Variants in PHYKPL observed in about 807,000 individuals in gnomAD.
The protein encoded by PHYKPL is 5-phosphonooxy-L-lysine phospho-lyase.
Under a neutral mutation model 51.3 loss-of-function variants are expected in PHYKPL, and 42 were observed. That is an observed-to-expected ratio of 0.82 (90% confidence interval 0.64 to 1.06). PHYKPL has a LOEUF of 1.06. Among genes scored for constraint, PHYKPL ranks in the 50% least tolerant of loss-of-function variants. The pLI is 0.00. For missense variants in PHYKPL, 655 were observed against 586.6 expected, an observed-to-expected ratio of 1.12 and a Z score of -1.20; for synonymous variants, 264 against 236.0, an observed-to-expected ratio of 1.12 and a Z score of -1.09.
chr5:178,225,075 C>G, intron 4 of PHYKPL: 1 of 566,206 alleles, frequency 1.8e-6, no homozygotes, highest in Non-Finnish European at 3.1e-6. Flanking sequence ...TTCATGGGAG[C>G]TACTGCTGGA....
chr5:178,221,976 A>G (rs1226326249), intron 8 of PHYKPL, among the ~76,000 whole-genome samples: 2 of 152,198 alleles, frequency 1.3e-5, no homozygotes, highest in Non-Finnish European at 2.9e-5. Flanking sequence ...AGCCACTGCA[A>G]TGCGAACTCT....
At chr5:178,230,588 A>G (rs1581383130) in intron 2 of PHYKPL, 1 of 154,668 alleles carries the variant, frequency 6.5e-6, no homozygotes, top group South Asian at 2.0e-4. Context: ...AGGCCTTTTG[A>G]GGCTTGTATG....
At chr5:178,211,609 TTTAGGGCATAAGACTAGGTG>T (rs1758445312) in intron 12 of PHYKPL, 1 of 359,904 alleles carries the variant, frequency 2.8e-6, no homozygotes, top group Non-Finnish European at 5.1e-6. Context: ...AGGTCTGGTA[TTTAGGGCATAAGACTAGGTG>T]GTTACAAGAG....
chr5:178,221,004 G>A (rs1281805713), intron 8 of PHYKPL, among the ~76,000 whole-genome samples: 1 of 152,148 alleles, frequency 6.6e-6, no homozygotes, highest in African/African-American at 2.4e-5. Context: ...GGGTGGAGAA[G>A]GCAACAAGAG....
At chr5:178,216,361 G>A (rs1288263207) in intron 8 of PHYKPL, 1 of 152,230 alleles carries the variant, frequency 6.6e-6, no homozygotes, top group Non-Finnish European at 1.5e-5. Context: ...TCTGCAGAAT[G>A]AGGAAGTAAA....
intron 11 of PHYKPL, among the ~76,000 whole-genome samples, chr5:178,212,238 A>G (rs553647476): frequency 3.6e-4 from 55 of 152,272 alleles, no homozygotes; most frequent in Admixed American, 2.0e-3. Flanking sequence ...CCTATTCATC[A>G]TATCCCTACC....
At chr5:178,212,759 C>T (rs1045863665) in intron 11 of PHYKPL, among the ~76,000 whole-genome samples, 1 of 152,238 alleles carries the variant, frequency 6.6e-6, no homozygotes, top group Admixed American at 6.5e-5. Context: ...GCTCACCTTC[C>T]ACCTCCTGAC....
intron 3 of PHYKPL, chr5:178,228,400 A>C: frequency 1.6e-6 from 1 of 627,712 alleles, no homozygotes; most frequent in Non-Finnish European, 2.8e-6. Context: ...AATGCAGCAA[A>C]GAGATTGCTT....
intron 3 of PHYKPL, among the ~76,000 whole-genome samples, chr5:178,228,972 C>G (rs184717670): frequency 6.6e-6 from 1 of 152,308 alleles, no homozygotes; most frequent in African/African-American, 2.4e-5. Flanking sequence ...CAGCTCACAG[C>G]CTCTGCTTTC....
intron 8 of PHYKPL, chr5:178,216,196 G>C (rs935565189): frequency 6.6e-6 from 1 of 152,138 alleles, no homozygotes; most frequent in Non-Finnish European, 1.5e-5. Context: ...CTGTTACTAT[G>C]AGATGGCTAC....
Position 178,232,504 on chromosome 5 carries a change from TG to T in PHYKPL, c.46del (p.Gln16AsnfsTer95). The T allele has an allele frequency of 7.4e-7, 1 of 1,345,690 alleles. No homozygotes were observed. The highest frequency in any genetic ancestry group is 9.5e-7 in the Non-Finnish European group (1 of 1,056,756). The allele number at this position is 1,345,690 out of a possible 1,614,324, so 83.4% of individuals were successfully genotyped here. Reference sequence around the variant, plus strand: ...CCCGCCCGGGTACCTGATGAGCCGTTGCCTCAGGGCCAGCGTGTCGGCCTTC... The same window carrying T: ...CCCGCCCGGGTACCTGATGAGCCGTTCCTCAGGGCCAGCGTGTCGGCCTTC... ...RPKADTLALR[Q>X]RLISSSCRLF... On this transcript the variant is annotated frameshift_variant, in exon 1 of 13. Coordinates refer to ENST00000308158, the MANE Select transcript of PHYKPL (RefSeq NM_153373.4). LOFTEE classifies it high-confidence loss of function.
chr5:178,230,171 A>C (rs62388741), intron 2 of PHYKPL, 72 bp from the exon 3 acceptor site: 297,235 of 1,583,246 alleles, frequency 0.19, 29,813 homozygotes, highest in Non-Finnish European at 0.21. Flanking sequence ...CCCAGCCCCA[A>C]GCTATAAACC....
chr5:178,224,385 T>G, intron 6 of PHYKPL, 63 bp downstream of exon 6: 1 of 1,451,668 alleles, frequency 6.9e-7, no homozygotes, highest in South Asian at 1.3e-5. Context: ...TCTAGCACAG[T>G]GGCGGTGACA....
chr5:178,232,382 C>T (rs1763668558), intron 1 of PHYKPL, 110 bp downstream of exon 1: 1 of 1,315,904 alleles, frequency 7.6e-7, no homozygotes, highest in South Asian at 2.1e-5. Flanking sequence ...TGGGTAGCAG[C>T]GGCTTCCTAG....
At chr5:178,220,738 CAAAA>C (rs1165943655) in intron 8 of PHYKPL, among the ~76,000 whole-genome samples, 3 of 137,598 alleles carry the variant, frequency 2.2e-5, no homozygotes, top group East Asian at 2.2e-4. Context: ...AAAAAAAAAA[CAAAA>C]AAAACATGGA....
At chr5:178,214,703 G>A in intron 10 of PHYKPL, 93 bp downstream of exon 10, 3 of 1,154,440 alleles carry the variant, frequency 2.6e-6, no homozygotes, top group Non-Finnish European at 3.9e-6. Context: ...AGAGTGCTGG[G>A]GGTACAGATG....
chr5:178,214,183 G>A (rs1458387021), intron 10 of PHYKPL, among the ~76,000 whole-genome samples: 1 of 152,166 alleles, frequency 6.6e-6, no homozygotes, highest in Admixed American at 6.5e-5. Context: ...CATGGTGGGC[G>A]TGGGGGAAGG....
intron 12 of PHYKPL, chr5:178,210,004 A>G: frequency 7.5e-7 from 1 of 1,328,754 alleles, no homozygotes; most frequent in Non-Finnish European, 1.0e-6. Flanking sequence ...ACACCAGAAC[A>G]GCAGCCCCTT....
chr5:178,212,072 C>T, intron 11 of PHYKPL, 102 bp from the exon 12 acceptor site: 3 of 1,278,490 alleles, frequency 2.3e-6, no homozygotes, highest in Admixed American at 1.8e-5. Context: ...AGAGATTGGG[C>T]CCTCTGGCTA....
Sources: gnomAD v4.1 joint callset for allele counts (sites outside exome capture counted in the v4.1 genomes callset) on GRCh38, gnomAD v4.1.1 for gene constraint, MANE v1.5 for transcripts, NCBI Gene and HGNC (gene_info 2026-07-23, HGNC 2026-07-21) for gene names.